Variants in MANBA observed in about 807,000 individuals in gnomAD.
The protein encoded by MANBA is mannosidase beta, also known as beta-mannosidase.
Under a neutral mutation model 111.1 loss-of-function variants are expected in MANBA, and 83 were observed. The ratio of observed to expected loss-of-function variants is 0.75; its 90% CI spans 0.63 to 0.90. The LOEUF is 0.90. Among genes scored for constraint, MANBA ranks in the 40% least tolerant of loss-of-function variants. The pLI is 0.00. For synonymous variants in MANBA, 370 were observed against 378.7 expected (o/e 0.98, Z 0.27); for missense variants, 1,036 against 1,069.0 (o/e 0.97, Z 0.43).
chr4:102,692,005 T>C (rs1732497904), intron 5 of MANBA, among the ~76,000 whole-genome samples: 1 of 152,108 alleles, frequency 6.6e-6, no homozygotes, highest in African/African-American at 2.4e-5. Flanking sequence ...AATTGAAAAG[T>C]TGAGCACGGT....
At chr4:102,671,190 G>C (rs1003786663) in intron 9 of MANBA, 91 bp downstream of exon 9, 1 of 875,928 alleles carries the variant, frequency 1.1e-6, no homozygotes, top group South Asian at 1.3e-5. Context: ...TCCTAGCTCT[G>C]AGACTGGGGC....
chr4:102,639,603 G>T, intron 14 of MANBA, 110 bp downstream of exon 14: 1 of 1,424,274 alleles, frequency 7.0e-7, no homozygotes, highest in Non-Finnish European at 9.8e-7. Context: ...GACTCTTTTG[G>T]TCATAGTTCT....
chr4:102,631,401 C>T lies in MANBA; in HGVS notation c.*656G>A, dbSNP rs752676597. The T allele has an allele frequency of 9.3e-5, 18 of 194,426 alleles. No individual in the cohort carries two copies. Among genetic ancestry groups the T allele is most frequent in the Non-Finnish European group, 1.4e-4 (14 of 97,174 alleles). 12.0% of individuals were successfully genotyped at this position (194,426 alleles called of 1,614,324 possible). ...CCCAGTTTACCAAGCAGAATAATAA[C>T]GAGAACTAAATGGAAATTAGGGTCC... On this transcript the variant is annotated 3_prime_UTR_variant, in exon 17 of 17. Coordinates refer to ENST00000647097, the MANE Select transcript of MANBA (RefSeq NM_005908.4).
chr4:102,740,656 A>G (rs1723369437), intron 1 of MANBA, among the ~76,000 whole-genome samples: 2 of 152,182 alleles, frequency 1.3e-5, no homozygotes, highest in African/African-American at 4.8e-5. Flanking sequence ...CTTACAGCCA[A>G]CTGATCTTTG....
chr4:102,654,368 C>T (rs951276862), intron 12 of MANBA, among the ~76,000 whole-genome samples: 4 of 151,928 alleles, frequency 2.6e-5, no homozygotes, highest in East Asian at 1.9e-4. Flanking sequence ...ACGTAGTACA[C>T]GATAAGTATA....
At chr4:102,708,606 G>C (rs1461752990) in intron 5 of MANBA, among the ~76,000 whole-genome samples, 3 of 151,548 alleles carry the variant, frequency 2.0e-5, no homozygotes, top group African/African-American at 7.3e-5. Context: ...AGAAAAACAA[G>C]AACAAACTCA....
At chr4:102,701,306 T>G (rs1483549413) in intron 5 of MANBA, among the ~76,000 whole-genome samples, 1 of 152,066 alleles carries the variant, frequency 6.6e-6, no homozygotes, top group African/African-American at 2.4e-5. Context: ...GTCTTGACTC[T>G]TTATCCAATT....
chr4:102,711,478 G>T (rs1034144390), intron 5 of MANBA, among the ~76,000 whole-genome samples: 7 of 152,200 alleles, frequency 4.6e-5, no homozygotes, highest in African/African-American at 1.7e-4. Flanking sequence ...TGGAGAGGAT[G>T]CAGAGAAGAG....
At chr4:102,683,877 C>T (rs138196370) in intron 7 of MANBA, among the ~76,000 whole-genome samples, 1 of 152,120 alleles carries the variant, frequency 6.6e-6, no homozygotes, top group East Asian at 1.9e-4. Flanking sequence ...TACCTCCCTT[C>T]TTGCTTAAAC....
At chr4:102,652,233 A>G (rs1382006925) in intron 12 of MANBA, among the ~76,000 whole-genome samples, 1 of 152,140 alleles carries the variant, frequency 6.6e-6, no homozygotes, top group Non-Finnish European at 1.5e-5. Flanking sequence ...TCAATTAACC[A>G]ACTCTATTGT....
rs1214758999 is a variant in MANBA at position 102,673,901 on chromosome 4, A to G, written c.1112+18T>C. On this transcript the variant is annotated intron_variant, in intron 8 of 16. Transcript: ENST00000647097. ...TGCTAATTAAAAGAAGAACAAGAAAAGAAAGACAATAACTTACAACTCAGA... is the reference window on the plus strand; with the variant it reads ...TGCTAATTAAAAGAAGAACAAGAAAGGAAAGACAATAACTTACAACTCAGA... 2 of 1,599,694 alleles carry G rather than the reference A, an allele frequency of 1.3e-6. No homozygotes were observed. The highest frequency in any genetic ancestry group is 2.2e-5 in the South Asian group (2 of 90,788).
chr4:102,755,329 C>T lies in MANBA; in HGVS notation c.177+5389G>A, dbSNP rs530055403. Among the ~76,000 whole-genome samples the T allele has an allele frequency of 2.0e-5, 3 of 152,250 alleles. No homozygotes were observed. In the South Asian group the frequency reaches 6.2e-4, roughly 32 times the overall value. On this transcript the variant is annotated intron_variant, in intron 1 of 16. Transcript: ENST00000647097. ...AGAAATAATACCACACATCTACAAC[C>T]ATCTGATCTTTGACAAAGCTGACAA...
chr4:102,724,114 G>T, intron 2 of MANBA, 147 bp from the exon 3 acceptor site: 1 of 634,454 alleles, frequency 1.6e-6, no homozygotes. Flanking sequence ...ATTTTCAGAA[G>T]TACTGCTTTA....
At chr4:102,646,352 CAAAT>C (rs1560745694) in intron 13 of MANBA, among the ~76,000 whole-genome samples, 1 of 152,088 alleles carries the variant, frequency 6.6e-6, no homozygotes, top group Non-Finnish European at 1.5e-5. Flanking sequence ...ACTTACCAAA[CAAAT>C]AACCATTCCA....
At chr4:102,699,940 T>C (rs1362113338) in intron 5 of MANBA, among the ~76,000 whole-genome samples, 5 of 151,998 alleles carry the variant, frequency 3.3e-5, no homozygotes, top group South Asian at 2.1e-4. Context: ...ATGGTACCAG[T>C]TCCTCCTTGT....
chr4:102,670,177 A>AAAAAG (rs58235120), intron 9 of MANBA, among the ~76,000 whole-genome samples: 1 of 146,304 alleles, frequency 6.8e-6, no homozygotes, highest in African/African-American at 2.5e-5. Flanking sequence ...AAAAAAAAAA[A>AAAAAG]GATCATAGCC....
chr4:102,666,367 TC>T (rs1186133498), intron 10 of MANBA: 6 of 152,250 alleles, frequency 3.9e-5, no homozygotes, highest in African/African-American at 1.4e-4. Context: ...CATCCATTCA[TC>T]TATCCACTTT....
chr4:102,748,116 G>T (rs1382340419), intron 1 of MANBA, among the ~76,000 whole-genome samples: 1 of 152,208 alleles, frequency 6.6e-6, no homozygotes, highest in African/African-American at 2.4e-5. Context: ...GCTGACATGT[G>T]GAAGAGGCAG....
intron 5 of MANBA, among the ~76,000 whole-genome samples, chr4:102,704,260 C>A (rs1412409194): frequency 2.6e-5 from 4 of 152,086 alleles, no homozygotes; most frequent in African/African-American, 9.7e-5. Flanking sequence ...AGGCAGCAGG[C>A]AAGGTGAATT....
Sources: allele counts gnomAD v4.1 joint callset (sites outside exome capture counted in the v4.1 genomes callset), GRCh38; gene constraint gnomAD v4.1.1; transcripts MANE v1.5; gene names NCBI Gene and HGNC (gene_info 2026-07-23, HGNC 2026-07-21).